Variants in CARNMT1 observed in about 807,000 individuals in gnomAD.
CARNMT1 encodes the protein protein-L-histidine N-pros-methyltransferase CARNMT1.
CARNMT1 carries 28 observed loss-of-function variants against 49.6 expected under a neutral mutation model. The ratio of observed to expected loss-of-function variants is 0.56; its 90% CI spans 0.42 to 0.77. The LOEUF is 0.77. CARNMT1 is among the 30% of genes least tolerant of loss of function. CARNMT1 has a pLI of 0.00. For synonymous variants in CARNMT1, 178 were observed against 175.0 expected, an observed-to-expected ratio of 1.02 and a Z score of -0.13; for missense variants, 421 against 512.6, an observed-to-expected ratio of 0.82 and a Z score of 1.73.
chr9:75,013,103 A>G (rs1300988905), intron 3 of CARNMT1, among the ~76,000 whole-genome samples: 6 of 152,120 alleles, frequency 3.9e-5, no homozygotes, highest in East Asian at 3.9e-4. Flanking sequence ...TCCAATTCTC[A>G]TAAGTATATA....
At position 74,983,630 on chromosome 9, in the gene CARNMT1, T is replaced by G. The variant is rs1832743008; in HGVS notation, c.*137A>C. 1.9e-6 allele frequency: 1 copy of G among 513,488 alleles called. No homozygotes were observed. 31.8% of individuals were successfully genotyped at this position (513,488 alleles called of 1,614,324 possible). On this transcript the variant is annotated 3_prime_UTR_variant, in exon 8 of 8. Coordinates refer to ENST00000376834, the MANE Select transcript of CARNMT1 (RefSeq NM_152420.3). ...GACATATTAAGAAAATAGACACTAT[T>G]TCTAAATTTCGTTAGGAATAAGAAG...
intron 1 of CARNMT1, among the ~76,000 whole-genome samples, chr9:75,026,110 T>C (rs532758858): frequency 1.3e-5 from 2 of 152,336 alleles, no homozygotes; most frequent in South Asian, 2.1e-4. Flanking sequence ...GCCCAAGTAT[T>C]TGAAGTGTTT....
intron 1 of CARNMT1, 68 bp from the exon 2 acceptor site, chr9:75,017,516 G>T: frequency 7.5e-7 from 1 of 1,334,764 alleles, no homozygotes; most frequent in Non-Finnish European, 1.1e-6. Flanking sequence ...TTACTTTAAG[G>T]TTGTCTTTCT....
intron 3 of CARNMT1, among the ~76,000 whole-genome samples, chr9:75,011,029 A>C (rs1564101983): frequency 6.6e-6 from 1 of 152,160 alleles, no homozygotes; most frequent in South Asian, 2.1e-4. Flanking sequence ...AAAAAAAAAA[A>C]CATGTAACAT....
At chr9:75,026,191 G>C (rs1360567266) in intron 1 of CARNMT1, among the ~76,000 whole-genome samples, 2 of 152,022 alleles carry the variant, frequency 1.3e-5, no homozygotes, top group African/African-American at 4.8e-5. Context: ...CATTACGCTG[G>C]TAAAGAAGAG....
At chr9:75,002,731 G>T (rs984729528) in intron 3 of CARNMT1, among the ~76,000 whole-genome samples, 1 of 152,108 alleles carries the variant, frequency 6.6e-6, no homozygotes. Flanking sequence ...GTTTAACAGA[G>T]CTAGTATTGA....
intron 6 of CARNMT1, 79 bp downstream of exon 6, chr9:74,996,368 A>C: frequency 1.4e-6 from 1 of 721,602 alleles, no homozygotes. Context: ...TGCACATTTG[A>C]GACTGTGAAG....
At chr9:74,994,564 C>T (rs772520666) in intron 6 of CARNMT1, among the ~76,000 whole-genome samples, 1 of 151,662 alleles carries the variant, frequency 6.6e-6, no homozygotes, top group South Asian at 2.1e-4. Flanking sequence ...GATGTTTGGA[C>T]CAGAGATACA....
chr9:75,027,015 A>T, intron 1 of CARNMT1: 1 of 1,162,984 alleles, frequency 8.6e-7, no homozygotes, highest in Non-Finnish European at 1.2e-6. Flanking sequence ...AACTTTGCAT[A>T]AAGCACAGCA....
chr9:75,019,256 G>A (rs528696089), intron 1 of CARNMT1, among the ~76,000 whole-genome samples: 43 of 152,080 alleles, frequency 2.8e-4, no homozygotes, highest in Non-Finnish European at 5.0e-4. Flanking sequence ...TATATAATAC[G>A]ACTTACTTTC....
intron 5 of CARNMT1, 135 bp from the exon 6 acceptor site, chr9:74,996,695 C>A: frequency 1.8e-6 from 1 of 555,236 alleles, no homozygotes; most frequent in Non-Finnish European, 3.1e-6. Context: ...AACTTCTGAT[C>A]AACATTATAA....
At chr9:74,999,338 C>T (rs1304308583) in intron 4 of CARNMT1, among the ~76,000 whole-genome samples, 1 of 152,076 alleles carries the variant, frequency 6.6e-6, no homozygotes, top group Non-Finnish European at 1.5e-5. Flanking sequence ...TTTATAAGAA[C>T]TTGATTAAGG....
At chr9:74,990,126 G>C (rs933299277) in intron 6 of CARNMT1, among the ~76,000 whole-genome samples, 1 of 152,140 alleles carries the variant, frequency 6.6e-6, no homozygotes, top group African/African-American at 2.4e-5. Flanking sequence ...CCTATGATTG[G>C]TGAGAGGGGA....
intron 1 of CARNMT1, among the ~76,000 whole-genome samples, chr9:75,024,443 C>T (rs1353517092): frequency 6.6e-6 from 1 of 152,082 alleles, no homozygotes; most frequent in Non-Finnish European, 1.5e-5. Context: ...AAAATCTCAC[C>T]CCGTTATTTC....
At chr9:75,025,582 T>C (rs944577891) in intron 1 of CARNMT1, among the ~76,000 whole-genome samples, 1 of 152,244 alleles carries the variant, frequency 6.6e-6, no homozygotes, top group South Asian at 2.1e-4. Context: ...TCTACACATA[T>C]GCATTCATGG....
chr9:75,009,243 A>G (rs1326038260), intron 3 of CARNMT1, among the ~76,000 whole-genome samples: 3 of 152,086 alleles, frequency 2.0e-5, no homozygotes, highest in Admixed American at 2.0e-4. Context: ...TTTTAACTTT[A>G]GAGGTAAGTC....
intron 6 of CARNMT1, among the ~76,000 whole-genome samples, chr9:74,987,608 G>A (rs1176232678): frequency 6.6e-6 from 1 of 152,140 alleles, no homozygotes; most frequent in Non-Finnish European, 1.5e-5. Flanking sequence ...AGTAGTGACA[G>A]CATGGTATTA....
At position 75,016,366 on chromosome 9, in the gene CARNMT1, C is replaced by T. The variant is rs1833850863; in HGVS notation, c.492G>A (p.Gln164=). The change falls in exon 3 of 8, where the codon CAG becomes CAA. Residue 164 remains glutamine, a synonymous_variant. Transcript: ENST00000376834. ...CAGTTTCACTCCAGTCTCTCACAAA[C>T]TGTTTCAGCGTGGATTTTAACTTAT... ...DMDKLKSTLK[Q]FVRDWSETGK... The T allele has an allele frequency of 6.2e-7, 1 of 1,614,044 alleles. No individual in the cohort carries two copies. Among genetic ancestry groups the T allele is most frequent in the South Asian group, 1.1e-5 (1 of 91,074 alleles).
In CARNMT1 at chr9:75,004,138, G is replaced by A. The variant is rs371909300; in HGVS notation, c.591-4268C>T. 3.2e-4 allele frequency among the ~76,000 whole-genome samples: 49 copies of A among 152,330 alleles called. 1 individual carries two copies. In the South Asian group the frequency reaches 7.5e-3, roughly 23 times the overall value. ...GATCCACCTACTTCAGCCTCCCAAA[G>A]TGTTGGGATTACAGGCGTGAGCCAC... On this transcript the variant is annotated intron_variant, in intron 3 of 7. Coordinates refer to ENST00000376834, the MANE Select transcript of CARNMT1 (RefSeq NM_152420.3).
Sources: allele counts gnomAD v4.1 joint callset (sites outside exome capture counted in the v4.1 genomes callset), GRCh38; gene constraint gnomAD v4.1.1; transcripts MANE v1.5; gene names NCBI Gene and HGNC (gene_info 2026-07-23, HGNC 2026-07-21).